NRG1: variants seen among roughly 807,000 people sequenced by gnomAD.
NRG1 encodes pro-neuregulin-1, membrane-bound isoform.
In NRG1, 18 loss-of-function variants were observed where a neutral mutation model predicts 63.8. The observed-to-expected ratio is 0.28, with a 90% confidence interval of 0.19 to 0.42. NRG1 has a LOEUF of 0.42. NRG1 is among the 10% of genes least tolerant of loss of function. The pLI, the probability that NRG1 is intolerant of heterozygous loss-of-function variation, is 1.00. For synonymous variants in NRG1, 302 were observed against 301.3 expected, an observed-to-expected ratio of 1.00 and a Z score of -0.02; for missense variants, 762 against 814.7, an observed-to-expected ratio of 0.94 and a Z score of 0.79.
Position 32,449,622 on chromosome 8 carries a change from C to T in NRG1, c.38-146206C>T, listed in dbSNP as rs568649914. On this transcript the variant is annotated intron_variant, in intron 1 of 10. Transcript: ENST00000519301. ...TGCCAGGCAATGCACTAGGCACCATCAAAGATGAATAAGCTATGTGCTAAA... is the reference window on the plus strand; with the variant it reads ...TGCCAGGCAATGCACTAGGCACCATTAAAGATGAATAAGCTATGTGCTAAA... Among the ~76,000 whole-genome samples the T allele has an allele frequency of 2.0e-5, 3 of 152,236 alleles. No homozygotes were observed. In the South Asian group the frequency reaches 6.2e-4, roughly 32 times the overall value.
At chr8:32,525,632 C>T (rs1266729123) in intron 1 of NRG1, among the ~76,000 whole-genome samples, 1 of 152,106 alleles carries the variant, frequency 6.6e-6, no homozygotes, top group East Asian at 1.9e-4. Flanking sequence ...CTGTCCCCCA[C>T]TACATGGAGA....
rs1834967109 is a variant in NRG1, at chr8:32,132,525, A to G, written c.38-463303A>G. Among the ~76,000 whole-genome samples, 2 of 152,042 alleles carry G rather than the reference A, an allele frequency of 1.3e-5. 1 individual carries two copies. The highest frequency in any genetic ancestry group is 3.9e-4 in the East Asian group (2 of 5,158). On this transcript the variant is annotated intron_variant, in intron 1 of 10. Transcript: ENST00000519301. The stretch of plus-strand genomic sequence containing the variant: ...TGACAGATCTACTTGGCCCTCGACT[A>G]AAGGGGCGCTGTAACTTTAAAATAC...
At chr8:31,728,322 G>A (rs1056435988) in intron 1 of NRG1, among the ~76,000 whole-genome samples, 1 of 152,030 alleles carries the variant, frequency 6.6e-6, no homozygotes, top group African/African-American at 2.4e-5. Context: ...AAATTGGCTG[G>A]GTGTGGTGGT....
At chr8:31,881,496 C>G (rs1179991945) in intron 1 of NRG1, among the ~76,000 whole-genome samples, 5 of 152,114 alleles carry the variant, frequency 3.3e-5, no homozygotes, top group Non-Finnish European at 7.4e-5. Flanking sequence ...AATTCACAAC[C>G]CTATAATGGC....
At chr8:32,475,661 C>T (rs1390753458) in intron 1 of NRG1, among the ~76,000 whole-genome samples, 1 of 151,944 alleles carries the variant, frequency 6.6e-6, no homozygotes, top group Non-Finnish European at 1.5e-5. Flanking sequence ...ATCCCCCTGC[C>T]TCACCTACCA....
In NRG1 at chr8:32,742,137, T is replaced by G; in HGVS notation, c.633-538T>G. 1 of 1,353,632 alleles carries G rather than the reference T, an allele frequency of 7.4e-7. No individual in the cohort carries two copies. The highest frequency in any genetic ancestry group is 1.1e-6 in the Non-Finnish European group (1 of 944,038). 83.9% of individuals were successfully genotyped at this position (1,353,632 alleles called of 1,614,324 possible). A position where few individuals can be genotyped will look rare whatever the true frequency, so the allele number is the denominator to read the frequency against. The stretch of plus-strand genomic sequence containing the variant: ...AACTACAGCAACAATCACTACCACT[T>G]GGTGCTTTTACAGCTCAGTCGTAAC... On this transcript the variant is annotated intron_variant, in intron 6 of 11. Coordinates refer to ENST00000356819, the Ensembl canonical transcript of NRG1. The surrounding 1 kb of genome is among the most constrained non-coding windows in gnomAD (Gnocchi z 4.2).
At chr8:31,971,830 T>C (rs1379793807) in intron 1 of NRG1, among the ~76,000 whole-genome samples, 1 of 152,198 alleles carries the variant, frequency 6.6e-6, no homozygotes, top group African/African-American at 2.4e-5. Context: ...GTGTGGGCTC[T>C]TTTTGGTTAG....
Position 31,640,332 on chromosome 8 carries a change from G to T in NRG1, c.37+901G>T, listed in dbSNP as rs960901344. ...CAGGGGCGTGGGGCGGCGATCGCGA[G>T]CCGCCAGCCGCGGGCCCACGGGCGC... is the stretch of plus-strand genomic sequence containing the variant. On this transcript the variant is annotated intron_variant, in intron 1 of 10. Transcript: ENST00000519301. This position sits in a 1 kb window ranked among gnomAD's most constrained non-coding sequence, Gnocchi z 6.3. The T allele has an allele frequency of 5.9e-6, 7 of 1,180,542 alleles. No individual in the cohort carries two copies. The highest frequency in any genetic ancestry group is 6.3e-6 in the Non-Finnish European group (6 of 956,168). 73.1% of individuals were successfully genotyped at this position (1,180,542 alleles called of 1,614,324 possible). A position where few individuals can be genotyped will look rare whatever the true frequency, so the allele number is the denominator to read the frequency against.
chr8:31,882,077 T>G (rs1187772419), intron 1 of NRG1, among the ~76,000 whole-genome samples: 1 of 152,124 alleles, frequency 6.6e-6, no homozygotes, highest in Non-Finnish European at 1.5e-5. Flanking sequence ...TTTGAATAGC[T>G]GGAGAGAATA....
intron 1 of NRG1, among the ~76,000 whole-genome samples, chr8:31,705,940 T>C (rs1250529072): frequency 1.3e-5 from 2 of 152,254 alleles, no homozygotes; most frequent in Non-Finnish European, 2.9e-5. Flanking sequence ...GCGTGTTTCA[T>C]GTCTGATGAC....
chr8:32,730,580 T>C (rs1047430296), intron 6 of NRG1, among the ~76,000 whole-genome samples: 6 of 152,236 alleles, frequency 3.9e-5, no homozygotes, highest in Non-Finnish European at 8.8e-5. Context: ...CACTTCTTGG[T>C]CACTAAAATA....
At chr8:31,929,110 A>G (rs1374998512) in intron 1 of NRG1, among the ~76,000 whole-genome samples, 1 of 152,222 alleles carries the variant, frequency 6.6e-6, no homozygotes, top group Non-Finnish European at 1.5e-5. Context: ...ACATTGTTGT[A>G]GAGAACTGAG....
intron 1 of NRG1, among the ~76,000 whole-genome samples, chr8:31,892,382 G>C (rs982493333): frequency 2.0e-5 from 3 of 151,954 alleles, no homozygotes; most frequent in Non-Finnish European, 2.9e-5. Flanking sequence ...CTTAGAAAAA[G>C]GTAGTATTAA....
intron 1 of NRG1, among the ~76,000 whole-genome samples, chr8:32,386,259 A>T (rs540549763): frequency 2.0e-5 from 3 of 152,290 alleles, no homozygotes; most frequent in East Asian, 3.9e-4. Context: ...GTGCCACCAC[A>T]TCTGGCCCTG....
intron 1 of NRG1, among the ~76,000 whole-genome samples, chr8:31,691,708 A>G (rs1304148042): frequency 1.3e-5 from 2 of 151,512 alleles, no homozygotes; most frequent in Non-Finnish European, 2.9e-5. Flanking sequence ...TTCTTATGCA[A>G]TTACTTCTTT....
intron 1 of NRG1, among the ~76,000 whole-genome samples, chr8:32,583,564 G>A (rs150636080): frequency 3.3e-4 from 51 of 152,282 alleles, no homozygotes; most frequent in African/African-American, 1.2e-3. Flanking sequence ...GAGTGCCAGT[G>A]TCTTTAGGGA....
chr8:32,500,001 C>A (rs1029014536), intron 1 of NRG1, among the ~76,000 whole-genome samples: 2 of 152,142 alleles, frequency 1.3e-5, no homozygotes, highest in African/African-American at 4.8e-5. Flanking sequence ...TGATAATGAA[C>A]ATTCACAAGG....
chr8:32,189,308 C>A (rs996907918), intron 1 of NRG1, among the ~76,000 whole-genome samples: 8 of 152,022 alleles, frequency 5.3e-5, no homozygotes, highest in Non-Finnish European at 1.0e-4. Context: ...TGTTTAGCTC[C>A]CACTTATAAG....
chr8:31,994,777 G>A (rs541090008), intron 1 of NRG1, among the ~76,000 whole-genome samples: 1 of 150,350 alleles, frequency 6.7e-6, no homozygotes, highest in South Asian at 2.1e-4. Context: ...TTGAGGACTT[G>A]AGTCATCTCA....
Sources: allele counts gnomAD v4.1 joint callset (sites outside exome capture counted in the v4.1 genomes callset), GRCh38; gene constraint gnomAD v4.1.1; non-coding constraint Gnocchi (gnomAD v3.1); transcripts MANE v1.5; gene names NCBI Gene and HGNC (gene_info 2026-07-23, HGNC 2026-07-21).